The following ASTN2 variants were observed in gnomAD, a reference collection of about 807,000 sequenced individuals.
ASTN2 encodes astrotactin 2, also known as astrotactin-2.
A neutral mutation model predicts 139.8 loss-of-function variants in ASTN2; 54 were observed. The ratio of observed to expected loss-of-function variants is 0.39; its 90% confidence interval spans 0.31 to 0.48. ASTN2 has a LOEUF of 0.48. Ranked by LOEUF, ASTN2 falls within the 20% of genes least tolerant of loss-of-function variation. The probability of loss-of-function intolerance (pLI) is 0.95; values close to 1 mark genes in which losing one functional copy is unlikely to be tolerated. For synonymous variants in ASTN2, 756 were observed against 719.5 expected (o/e 1.05, Z -0.81); for missense variants, 1,565 against 1,725.1 (o/e 0.91, Z 1.64).
chr9:116,652,756 T>G (rs972020666), intron 16 of ASTN2, among the ~76,000 whole-genome samples: 2 of 152,206 alleles, frequency 1.3e-5, no homozygotes, highest in African/African-American at 2.4e-5. Flanking sequence ...TCTCCTTTTT[T>G]TGTGTGTGCT....
intron 13 of ASTN2, among the ~76,000 whole-genome samples, chr9:116,737,321 G>A (rs1438758823): frequency 6.6e-6 from 1 of 152,136 alleles, no homozygotes; most frequent in Non-Finnish European, 1.5e-5. Context: ...AGTTCCGCTG[G>A]GCTGAGAACC....
At chr9:116,846,405 G>A (rs992882196) in intron 11 of ASTN2, among the ~76,000 whole-genome samples, 1 of 152,206 alleles carries the variant, frequency 6.6e-6, no homozygotes, top group Non-Finnish European at 1.5e-5. Context: ...AAGGGAAGCA[G>A]AGAGTGAAAG....
chr9:116,669,824 G>C (rs939146093), intron 16 of ASTN2, among the ~76,000 whole-genome samples: 1 of 91,592 alleles, frequency 1.1e-5, no homozygotes, highest in Non-Finnish European at 2.3e-5. Flanking sequence ...TTTTTTTTTT[G>C]AGACAGAGTC....
At chr9:116,586,428 T>A (rs1854144796) in intron 19 of ASTN2, 1 of 152,076 alleles carries the variant, frequency 6.6e-6, no homozygotes. Flanking sequence ...AAAGAAAATG[T>A]AGTACATACA....
chr9:116,514,409 C>G (rs1454694755), intron 19 of ASTN2, among the ~76,000 whole-genome samples: 1 of 151,994 alleles, frequency 6.6e-6, no homozygotes, highest in Non-Finnish European at 1.5e-5. Flanking sequence ...CAGTCTGCCC[C>G]TACTAGGGGG....
At chr9:116,916,017 T>A (rs1220630118) in intron 10 of ASTN2, among the ~76,000 whole-genome samples, 1 of 152,198 alleles carries the variant, frequency 6.6e-6, no homozygotes, top group Non-Finnish European at 1.5e-5. Context: ...CAAACCCACA[T>A]GGAGTTTTTG....
intron 19 of ASTN2, among the ~76,000 whole-genome samples, chr9:116,580,728 A>AT (rs1009080803): frequency 1.3e-4 from 20 of 151,562 alleles, no homozygotes; most frequent in South Asian, 8.3e-4. Context: ...AACCAAAGGG[A>AT]TTTTTTTTTC....
intron 3 of ASTN2, among the ~76,000 whole-genome samples, chr9:117,157,580 T>C (rs1830458769): frequency 1.3e-5 from 2 of 152,180 alleles, no homozygotes; most frequent in South Asian, 4.1e-4. Context: ...GACTTTAGCC[T>C]TCATCTGCAA....
intron 10 of ASTN2, among the ~76,000 whole-genome samples, chr9:116,949,586 G>C (rs1049879392): frequency 6.6e-6 from 1 of 152,176 alleles, no homozygotes. Flanking sequence ...TTTGTGGGTT[G>C]GAATGGCTTG....
rs556281876 is a variant in ASTN2 at position 116,843,500 on chromosome 9, A to C, written c.2040+20083T>G. The stretch of plus-strand genomic sequence containing the variant: ...TGGTGAAACCCCATCTCTACTAAAA[A>C]TACAACAAATTAGCCAGGGGTGGTG... On this transcript the variant is annotated intron_variant, in intron 11 of 22. Transcript: ENST00000313400. 2.6e-5 allele frequency among the ~76,000 whole-genome samples: 4 copies of C among 151,238 alleles called. No homozygotes were observed. The East Asian group carries it at 8.0e-4, about 30-fold the overall frequency.
At chr9:117,381,901 C>T (rs113145974) in intron 1 of ASTN2, among the ~76,000 whole-genome samples, 41 of 152,146 alleles carry the variant, frequency 2.7e-4, no homozygotes, top group African/African-American at 9.6e-4. Context: ...GGATAGTGTT[C>T]TGGTCACAAG....
At chr9:116,674,530 A>G (rs893859091) in intron 16 of ASTN2, among the ~76,000 whole-genome samples, 3 of 152,232 alleles carry the variant, frequency 2.0e-5, no homozygotes, top group African/African-American at 7.2e-5. Context: ...GGGAGTAAAC[A>G]AGCTATTTAG....
chr9:117,404,189 G>A (rs1429947068), intron 1 of ASTN2, among the ~76,000 whole-genome samples: 3 of 152,144 alleles, frequency 2.0e-5, no homozygotes, highest in African/African-American at 7.2e-5. Flanking sequence ...GGTTATGGAG[G>A]GCTCTCCAAA....
intron 20 of ASTN2, among the ~76,000 whole-genome samples, chr9:116,447,277 C>G (rs1357241733): frequency 6.6e-6 from 1 of 152,196 alleles, no homozygotes; most frequent in East Asian, 1.9e-4. Context: ...GCTTAGCCCT[C>G]CTTTTCCCCT....
intron 17 of ASTN2, among the ~76,000 whole-genome samples, chr9:116,626,154 GTTTTTTTTTTTTTTTT>G (rs751026997): frequency 2.0e-4 from 7 of 34,440 alleles, no homozygotes; most frequent in South Asian, 2.0e-3. Context: ...TAGTTTTTGT[GTTTTTTTTTTTTTTTT>G]TTTTTTTTTT....
At chr9:117,108,435 CA>C (rs769172151) in intron 4 of ASTN2, among the ~76,000 whole-genome samples, 18 of 48,650 alleles carry the variant, frequency 3.7e-4, no homozygotes, top group Admixed American at 2.0e-3. Flanking sequence ...CAAAACAAAA[CA>C]AAACACACAC....
chr9:117,236,348 G>A (rs1237099880), intron 2 of ASTN2, among the ~76,000 whole-genome samples: 2 of 152,186 alleles, frequency 1.3e-5, no homozygotes, highest in African/African-American at 4.8e-5. Flanking sequence ...TACCATCATG[G>A]GGAGGTCCCA....
At chr9:117,177,273 A>G (rs1725167820) in intron 3 of ASTN2, among the ~76,000 whole-genome samples, 1 of 152,236 alleles carries the variant, frequency 6.6e-6, no homozygotes, top group Non-Finnish European at 1.5e-5. Context: ...CTTAATACTT[A>G]CAGCTAGCCT....
intron 13 of ASTN2, among the ~76,000 whole-genome samples, chr9:116,798,828 C>T (rs1282903666): frequency 2.0e-5 from 3 of 152,172 alleles, no homozygotes; most frequent in African/African-American, 2.4e-5. Flanking sequence ...GCCAGGGCCC[C>T]TGCCATTCAG....
Sources: gnomAD v4.1 joint callset for allele counts (sites outside exome capture counted in the v4.1 genomes callset) on GRCh38, gnomAD v4.1.1 for gene constraint, MANE v1.5 for transcripts, NCBI Gene and HGNC (gene_info 2026-07-23, HGNC 2026-07-21) for gene names.